Variants in ADGRG2 observed in about 807,000 individuals in gnomAD.
The protein encoded by ADGRG2 is adhesion G protein-coupled receptor G2.
ADGRG2 carries 26 observed loss-of-function variants against 74.1 expected under a neutral mutation model. The observed-to-expected ratio is 0.35, with a 90% CI of 0.26 to 0.49. The LOEUF (loss-of-function observed/expected upper bound fraction) is 0.49. Among genes scored for constraint, ADGRG2 ranks in the 20% least tolerant of loss-of-function variants. The pLI, the probability that ADGRG2 is intolerant of heterozygous loss-of-function variation, is 0.99. For synonymous variants in ADGRG2, 296 were observed against 295.2 expected, an observed-to-expected ratio of 1.00 and a Z score of -0.03; for missense variants, 619 against 763.1, an observed-to-expected ratio of 0.81 and a Z score of 2.22.
At chrX:19,002,245 C>T (rs2060144953) in intron 24 of ADGRG2, among the ~76,000 whole-genome samples, 2 of 110,939 alleles carry the variant, frequency 1.8e-5, no homozygotes, top group African/African-American at 6.6e-5. Flanking sequence ...GTTGAAGAGG[C>T]TCCTGCATTG....
Position 19,037,475 on chromosome X carries a change from C to A in ADGRG2, c.218G>T (p.Ser73Ile), listed in dbSNP as rs1040525831. 5 of 1,176,828 alleles carry A rather than the reference C, an allele frequency of 4.2e-6. No homozygotes were observed. In the African/African-American group the frequency reaches 8.8e-5, roughly 21 times the overall value. ...SNGTPEVETT[S>I]LNDVTLSLLP... ...TTCAGAAAAATTCTTACCATTGAGGCTTGTTGTTTCAACCTCTTTTTGTCC... is the reference window on the plus strand; with the variant it reads ...TTCAGAAAAATTCTTACCATTGAGGATTGTTGTTTCAACCTCTTTTTGTCC... The change falls in exon 6 of 29, where the codon AGC becomes ATC. Residue 73 changes from serine to isoleucine, a missense_variant. Physicochemically the swap from Ser to Ile is moderately radical, Grantham distance 142 (BLOSUM62 -2). This residue lies in a region of ADGRG2 where 292 missense variants were observed against 318.0 expected (regional missense o/e 0.92). Coordinates refer to ENST00000379869, the MANE Select transcript of ADGRG2 (RefSeq NM_001079858.3).
intron 1 of ADGRG2, among the ~76,000 whole-genome samples, chrX:19,085,195 C>T: frequency 8.9e-6 from 1 of 111,831 alleles, no homozygotes; most frequent in East Asian, 2.8e-4. Flanking sequence ...TATTATGCAA[C>T]ACTTAAAAGT....
At chrX:19,056,432 C>A (rs1018538260) in intron 3 of ADGRG2, among the ~76,000 whole-genome samples, 9 of 111,631 alleles carry the variant, frequency 8.1e-5, no homozygotes, top group African/African-American at 2.9e-4. Context: ...ATGACTCACC[C>A]TATCAGCTTT....
At chrX:19,013,438 C>T (rs1397229755) in intron 16 of ADGRG2, among the ~76,000 whole-genome samples, 1 of 111,813 alleles carries the variant, frequency 8.9e-6, no homozygotes, top group Admixed American at 9.5e-5. Context: ...ATACCGATAC[C>T]TGGGAGCTAA....
intron 2 of ADGRG2, among the ~76,000 whole-genome samples, chrX:19,073,424 C>T (rs1024459577): frequency 9.0e-6 from 1 of 111,111 alleles, no homozygotes; most frequent in Admixed American, 9.5e-5. Flanking sequence ...AAAGATGATC[C>T]CCAATTCATC....
chrX:19,065,361 TG>T (rs1487435235), intron 3 of ADGRG2, among the ~76,000 whole-genome samples: 2 of 108,901 alleles, frequency 1.8e-5, no homozygotes, highest in African/African-American at 6.7e-5. Context: ...ATACTCTTAC[TG>T]GGCGTTCTGA....
At chrX:19,071,381 A>T (rs1602055929) in intron 2 of ADGRG2, among the ~76,000 whole-genome samples, 1 of 112,303 alleles carries the variant, frequency 8.9e-6, no homozygotes, top group Non-Finnish European at 1.9e-5. Flanking sequence ...CAAAGGAGTC[A>T]CTCAAATGAG....
intron 17 of ADGRG2, among the ~76,000 whole-genome samples, chrX:19,010,123 G>GTTTTTT (rs946891811): frequency 8.6e-5 from 8 of 93,116 alleles, no homozygotes; most frequent in East Asian, 3.3e-4. Flanking sequence ...TTTTGTTTTT[G>GTTTTTT]TTTTTTTTTT....
chrX:19,000,344 C>T (rs1291202055), intron 24 of ADGRG2, among the ~76,000 whole-genome samples: 2 of 111,715 alleles, frequency 1.8e-5, no homozygotes, highest in Non-Finnish European at 3.8e-5. Flanking sequence ...GACTAGAGAT[C>T]ACATCCTATT....
intron 15 of ADGRG2, among the ~76,000 whole-genome samples, chrX:19,015,457 C>T (rs1234217005): frequency 5.3e-5 from 6 of 112,745 alleles, no homozygotes; most frequent in African/African-American, 6.4e-5. Context: ...CGATGGCTCA[C>T]GCCTGTAATC....
intron 15 of ADGRG2, 49 bp downstream of exon 15, chrX:19,019,548 ATT>A (rs372068061): frequency 0.03 from 14,723 of 486,852 alleles, no homozygotes; most frequent in Admixed American, 0.041. Flanking sequence ...TAGCATGGTG[ATT>A]TTTTTTTTTT....
intron 26 of ADGRG2, among the ~76,000 whole-genome samples, chrX:18,996,890 A>G (rs1314013658): frequency 9.0e-6 from 1 of 111,260 alleles, no homozygotes; most frequent in Non-Finnish European, 1.9e-5. Context: ...TTTCTACTTA[A>G]AAACCCCCAA....
intron 23 of ADGRG2, among the ~76,000 whole-genome samples, chrX:19,003,674 T>C (rs964333393): frequency 1.2e-4 from 13 of 111,683 alleles, no homozygotes; most frequent in African/African-American, 3.6e-4. Flanking sequence ...TGTGGGACCT[T>C]TTACATGCTG....
chrX:19,042,136 C>T (rs1354261573), intron 3 of ADGRG2, among the ~76,000 whole-genome samples: 1 of 111,397 alleles, frequency 9.0e-6, no homozygotes, highest in African/African-American at 3.3e-5. Flanking sequence ...GAAAAAATAC[C>T]TTTGGGAACA....
At chrX:19,103,768 G>A (rs1384955858) in intron 1 of ADGRG2, among the ~76,000 whole-genome samples, 1 of 111,711 alleles carries the variant, frequency 9.0e-6, no homozygotes, top group Non-Finnish European at 1.9e-5. Flanking sequence ...CCTGGGGGCA[G>A]CACAGCCTGG....
At chrX:19,052,052 AC>A (rs2061332565) in intron 3 of ADGRG2, among the ~76,000 whole-genome samples, 1 of 112,148 alleles carries the variant, frequency 8.9e-6, no homozygotes, top group South Asian at 3.7e-4. Flanking sequence ...TATATTGAAT[AC>A]CCACTATATC....
At chrX:19,081,470 C>T (rs542431710) in intron 2 of ADGRG2, among the ~76,000 whole-genome samples, 1 of 111,382 alleles carries the variant, frequency 9.0e-6, no homozygotes, top group South Asian at 3.9e-4. Context: ...AAACCAACCC[C>T]GCCTCACCCA....
intron 2 of ADGRG2, among the ~76,000 whole-genome samples, chrX:19,077,113 C>T (rs5955689): frequency 5.9e-4 from 65 of 110,539 alleles, no homozygotes; most frequent in African/African-American, 2.1e-3. Flanking sequence ...AAAACAGTTT[C>T]TAACATATTC....
rs1413836591 is a variant in ADGRG2, at chrX:19,021,077, TTAATGCAGCAA to T, written c.643+16_643+26del. ...TAACACATTAAAATCCACATGAAGA[TTAATGCAGCAA>T]TAATAGACAACTTACCCATTGGTCG... On this transcript the variant is annotated intron_variant, in intron 14 of 28. Transcript: ENST00000379869. The T allele has an allele frequency of 1.4e-6, 1 of 706,584 alleles. No homozygotes were observed. Among genetic ancestry groups the T allele is most frequent in the Non-Finnish European group, 2.3e-6 (1 of 439,943 alleles). 58.2% of individuals were successfully genotyped at this position (706,584 alleles called of 1,213,427 possible).
Sources: allele counts gnomAD v4.1 joint callset (sites outside exome capture counted in the v4.1 genomes callset), GRCh38; gene constraint gnomAD v4.1.1; regional missense constraint gnomAD v4.1.1; transcripts MANE v1.5; gene names NCBI Gene and HGNC (gene_info 2026-07-23, HGNC 2026-07-21).